CNTN5: variants seen among roughly 807,000 people sequenced by gnomAD.
CNTN5 encodes the protein contactin-5.
In CNTN5, 77 loss-of-function variants were observed where a neutral mutation model predicts 129.1. That is an observed-to-expected ratio of 0.60 (90% CI 0.50 to 0.72). The LOEUF (loss-of-function observed/expected upper bound fraction) is 0.72. Among genes scored for constraint, CNTN5 ranks in the 30% least tolerant of loss-of-function variants. The pLI is 0.00. For missense variants in CNTN5, 1,478 were observed against 1,328.8 expected (o/e 1.11, Z -1.75); for synonymous variants, 509 against 465.6 (o/e 1.09, Z -1.20).
At chr11:99,994,434 T>C (rs4562799) in intron 8 of CNTN5, among the ~76,000 whole-genome samples, 57,332 of 151,892 alleles carry the variant, frequency 0.38, 12,300 homozygotes, top group African/African-American at 0.59. Flanking sequence ...TACCGTAGCT[T>C]TGGAGGTTGA....
chr11:99,556,591 A>ATATATC (rs1555026494), intron 3 of CNTN5, among the ~76,000 whole-genome samples: 5 of 137,492 alleles, frequency 3.6e-5, no homozygotes, highest in Non-Finnish European at 7.7e-5. Flanking sequence ...ATATATATAT[A>ATATATC]TATCTCCCAC....
intron 3 of CNTN5, among the ~76,000 whole-genome samples, chr11:99,752,753 A>G (rs1299084413): frequency 1.3e-5 from 2 of 152,168 alleles, no homozygotes; most frequent in African/African-American, 4.8e-5. Flanking sequence ...AACAATTGCC[A>G]CTTTAGAATT....
chr11:100,184,962 C>G (rs571807660), intron 13 of CNTN5, among the ~76,000 whole-genome samples: 6 of 152,008 alleles, frequency 3.9e-5, no homozygotes, highest in Non-Finnish European at 7.4e-5. Context: ...GTAGTGAGTT[C>G]TCATGAGGAC....
At chr11:100,223,535 G>T (rs575899457) in intron 15 of CNTN5, among the ~76,000 whole-genome samples, 1 of 152,104 alleles carries the variant, frequency 6.6e-6, no homozygotes, top group South Asian at 2.1e-4. Context: ...TCAAAATAAA[G>T]GCAAACAACT....
At chr11:100,337,326 A>G in intron 21 of CNTN5, 8 of 924,700 alleles carry the variant, frequency 8.7e-6, no homozygotes, top group Non-Finnish European at 1.4e-5. Context: ...TTCACCATAC[A>G]TATTCTGGAA....
intron 2 of CNTN5, among the ~76,000 whole-genome samples, chr11:99,517,906 T>C (rs1462271847): frequency 6.6e-6 from 1 of 152,132 alleles, no homozygotes; most frequent in Non-Finnish European, 1.5e-5. Context: ...ACCTGGTAAC[T>C]AGCATATTTC....
chr11:99,415,394 T>C (rs1381001960), intron 2 of CNTN5, among the ~76,000 whole-genome samples: 1 of 152,174 alleles, frequency 6.6e-6, no homozygotes, highest in African/African-American at 2.4e-5. Context: ...TTCAGCTTCT[T>C]CTTGGCCTCT....
At chr11:100,095,912 G>A (rs191338243) in intron 13 of CNTN5, among the ~76,000 whole-genome samples, 2 of 152,118 alleles carry the variant, frequency 1.3e-5, no homozygotes, top group South Asian at 4.1e-4. Flanking sequence ...GTTATAATAA[G>A]TGTTTTAAAC....
At chr11:99,713,697 C>T (rs758358341) in intron 3 of CNTN5, among the ~76,000 whole-genome samples, 42 of 151,976 alleles carry the variant, frequency 2.8e-4, no homozygotes, top group Admixed American at 1.7e-3. Flanking sequence ...TATACATTTT[C>T]GGAACTAGGA....
intron 1 of CNTN5, among the ~76,000 whole-genome samples, chr11:99,281,042 A>G (rs984145476): frequency 1.3e-5 from 2 of 151,886 alleles, no homozygotes; most frequent in African/African-American, 4.8e-5. Flanking sequence ...TAGATTAACA[A>G]CCAAGGATTA....
chr11:100,175,574 A>T (rs1311811948), intron 13 of CNTN5, among the ~76,000 whole-genome samples: 1 of 152,132 alleles, frequency 6.6e-6, no homozygotes, highest in Non-Finnish European at 1.5e-5. Flanking sequence ...TGTGTCCTTT[A>T]TGAAGACAAA....
chr11:100,271,345 G>T, intron 18 of CNTN5, 104 bp downstream of exon 18: 1 of 683,412 alleles, frequency 1.5e-6, no homozygotes, highest in Non-Finnish European at 2.2e-6. Flanking sequence ...AGCATAATTT[G>T]TCCTGATTCA....
chr11:100,306,132 T>C (rs1332632241), intron 20 of CNTN5, among the ~76,000 whole-genome samples: 1 of 151,582 alleles, frequency 6.6e-6, no homozygotes, highest in Non-Finnish European at 1.5e-5. Flanking sequence ...CATTCAGTTA[T>C]ATGAAATTAT....
chr11:99,244,963 G>A (rs1861743598), intron 1 of CNTN5, among the ~76,000 whole-genome samples: 1 of 152,136 alleles, frequency 6.6e-6, no homozygotes, highest in Admixed American at 6.6e-5. Context: ...ATTATTAATT[G>A]TGAATCTGAA....
Position 99,990,443 on chromosome 11 carries a change from A to AATAT in CNTN5, c.878-11581_878-11578dup, listed in dbSNP as rs145384797. Among the ~76,000 whole-genome samples, 1,058 of 144,770 alleles carry AATAT rather than the reference A, an allele frequency of 7.3e-3. 12 individuals are homozygous for AATAT. The highest frequency in any genetic ancestry group is 0.024 in the Middle Eastern group (7 of 288). The allele number at this position is 144,770 out of a possible 152,430, so 95.0% of individuals were successfully genotyped here. A position where few individuals can be genotyped will look rare whatever the true frequency, so the allele number is the denominator to read the frequency against. On this transcript the variant is annotated intron_variant, in intron 8 of 24. Coordinates refer to ENST00000524871, the MANE Select transcript of CNTN5 (RefSeq NM_014361.4). ...ATTTATTGGCTTCCCTTATTTTTAG[A>AATAT]ATATATATATATACACACACACACA...
chr11:99,024,230 T>A (rs1352825111), intron 1 of CNTN5, among the ~76,000 whole-genome samples: 1 of 152,208 alleles, frequency 6.6e-6, no homozygotes, highest in Non-Finnish European at 1.5e-5. Context: ...GTTTTATGAT[T>A]TTTGGAGATT....
At chr11:99,946,363 G>A (rs952729419) in intron 7 of CNTN5, among the ~76,000 whole-genome samples, 2 of 152,040 alleles carry the variant, frequency 1.3e-5, no homozygotes, top group African/African-American at 2.4e-5. Flanking sequence ...TAGGAACAGA[G>A]GCTTAGTGGG....
At chr11:99,140,986 G>A (rs1859485463) in intron 1 of CNTN5, among the ~76,000 whole-genome samples, 2 of 151,928 alleles carry the variant, frequency 1.3e-5, no homozygotes, top group Admixed American at 6.6e-5. Context: ...GACAGTGTTG[G>A]CATCAGAATG....
intron 18 of CNTN5, among the ~76,000 whole-genome samples, chr11:100,278,052 T>G (rs1029106948): frequency 7.2e-5 from 11 of 152,128 alleles, no homozygotes; most frequent in African/African-American, 2.4e-4. Flanking sequence ...CCCAGAACTA[T>G]TTAGTGAAGA....
Sources: gnomAD v4.1 joint callset for allele counts (sites outside exome capture counted in the v4.1 genomes callset) on GRCh38, gnomAD v4.1.1 for gene constraint, MANE v1.5 for transcripts, NCBI Gene and HGNC (gene_info 2026-07-23, HGNC 2026-07-21) for gene names.